ZBTB20: variants seen among roughly 807,000 people sequenced by gnomAD.
The protein encoded by ZBTB20 is zinc finger and BTB domain containing 20.
A neutral mutation model predicts 56.9 loss-of-function variants in ZBTB20; 9 were observed. That is an observed-to-expected ratio of 0.16 (90% CI 0.10 to 0.28). The LOEUF is 0.28. Ranked by LOEUF, ZBTB20 falls within the 10% of genes least tolerant of loss-of-function variation. ZBTB20 has a pLI of 1.00. For missense variants in ZBTB20, 655 were observed against 1,003.0 expected (o/e 0.65, Z 4.69); for synonymous variants, 417 against 420.7 (o/e 0.99, Z 0.11).
intron 11 of ZBTB20, among the ~76,000 whole-genome samples, chr3:114,348,493 T>C (rs2080375148): frequency 2.6e-5 from 4 of 152,236 alleles, no homozygotes; most frequent in Admixed American, 2.6e-4. Flanking sequence ...TTCACATTTA[T>C]CCCAAGTAAA....
intron 3 of ZBTB20, among the ~76,000 whole-genome samples, chr3:114,937,440 T>C (rs78013425): frequency 6.6e-6 from 1 of 151,694 alleles, no homozygotes. Flanking sequence ...TTTTTTTTTT[T>C]AGATGGAGTC....
intron 5 of ZBTB20, among the ~76,000 whole-genome samples, chr3:114,769,165 G>A (rs938814664): frequency 2.0e-5 from 3 of 152,092 alleles, no homozygotes; most frequent in African/African-American, 7.2e-5. Context: ...ACTAGTGTAC[G>A]TTTAATCATT....
intron 4 of ZBTB20, 27 bp downstream of exon 4, chr3:114,900,277 A>T (rs2075057031): frequency 6.6e-6 from 1 of 152,126 alleles, no homozygotes; most frequent in Admixed American, 6.6e-5. Flanking sequence ...ATAGATTTAC[A>T]TAGTTATAGG....
intron 3 of ZBTB20, among the ~76,000 whole-genome samples, chr3:114,901,493 C>T (rs879656028): frequency 1.3e-5 from 2 of 151,982 alleles, no homozygotes; most frequent in Non-Finnish European, 2.9e-5. Context: ...CCACTGAGTA[C>T]TATGTATCAA....
intron 6 of ZBTB20, among the ~76,000 whole-genome samples, chr3:114,690,249 A>G (rs1279175677): frequency 1.3e-5 from 2 of 152,088 alleles, no homozygotes; most frequent in Non-Finnish European, 2.9e-5. Flanking sequence ...CCCAAGGGTT[A>G]GGCACATCAA....
chr3:115,032,957 C>CAAAA (rs2080756270), intron 2 of ZBTB20, among the ~76,000 whole-genome samples: 3 of 54,466 alleles, frequency 5.5e-5, no homozygotes, highest in East Asian at 5.8e-4. Context: ...ACCTAAGGAA[C>CAAAA]TAAAAAAAAA....
intron 11 of ZBTB20, among the ~76,000 whole-genome samples, 176 bp downstream of exon 11, chr3:114,350,098 G>A (rs2080528851): frequency 6.6e-6 from 1 of 152,186 alleles, no homozygotes; most frequent in Non-Finnish European, 1.5e-5. Flanking sequence ...GTGGCAGGGT[G>A]CTTTGTTCTT....
chr3:114,467,556 G>A (rs985058719), intron 7 of ZBTB20, among the ~76,000 whole-genome samples: 1 of 152,164 alleles, frequency 6.6e-6, no homozygotes, highest in African/African-American at 2.4e-5. Flanking sequence ...AAGAGCTAGA[G>A]TCTTCATCAC....
chr3:114,511,531 T>C (rs956813215), intron 6 of ZBTB20, among the ~76,000 whole-genome samples: 6 of 152,142 alleles, frequency 3.9e-5, no homozygotes, highest in African/African-American at 1.4e-4. Flanking sequence ...TTAGAGATCA[T>C]ATATGTCTTA....
At chr3:115,091,494 T>G (rs1186941551) in intron 1 of ZBTB20, among the ~76,000 whole-genome samples, 1 of 151,960 alleles carries the variant, frequency 6.6e-6, no homozygotes. Flanking sequence ...CAAAGTCAAT[T>G]ACAATACACA....
At chr3:114,795,854 A>C (rs1474744015) in intron 5 of ZBTB20, among the ~76,000 whole-genome samples, 1 of 152,092 alleles carries the variant, frequency 6.6e-6, no homozygotes, top group Non-Finnish European at 1.5e-5. Context: ...TGAATCAATG[A>C]TTCTATTGTG....
At chr3:114,582,750 C>T (rs1449726190) in intron 6 of ZBTB20, among the ~76,000 whole-genome samples, 2 of 152,096 alleles carry the variant, frequency 1.3e-5, no homozygotes, top group East Asian at 1.9e-4. Context: ...TAGAATTAAT[C>T]GAGGTAAAGG....
chr3:114,489,153 A>G (rs2042457870), intron 7 of ZBTB20, among the ~76,000 whole-genome samples: 1 of 152,206 alleles, frequency 6.6e-6, no homozygotes, highest in Admixed American at 6.5e-5. Context: ...AAGCAAAACT[A>G]AATGTATACT....
chr3:115,078,120 CA>C (rs1463945485), intron 1 of ZBTB20, among the ~76,000 whole-genome samples: 2 of 152,180 alleles, frequency 1.3e-5, no homozygotes, highest in African/African-American at 4.8e-5. Flanking sequence ...AAAGTCCATG[CA>C]CATAACCTCA....
intron 3 of ZBTB20, among the ~76,000 whole-genome samples, chr3:114,929,723 T>C (rs532220433): frequency 6.6e-6 from 1 of 152,332 alleles, no homozygotes; most frequent in African/African-American, 2.4e-5. Context: ...AATCGTTTTA[T>C]TTAATTGTGA....
chr3:114,856,405 T>C (rs17683849), intron 4 of ZBTB20, among the ~76,000 whole-genome samples: 6,476 of 152,194 alleles, frequency 0.043, 164 homozygotes, highest in Middle Eastern at 0.11. Context: ...CAGCTGATGC[T>C]AACAAGGATA....
intron 11 of ZBTB20, among the ~76,000 whole-genome samples, chr3:114,347,084 T>G (rs1404236120): frequency 3.2e-5 from 2 of 63,106 alleles, no homozygotes; most frequent in Admixed American, 1.5e-4. Flanking sequence ...CAGGTTTTTT[T>G]TTTTTTTTTT....
Position 114,698,412 on chromosome 3 carries a change from T to G in ZBTB20, c.-342-4837A>C, listed in dbSNP as rs368218089. 2.6e-5 allele frequency among the ~76,000 whole-genome samples: 4 copies of G among 152,056 alleles called. No homozygotes were observed. In the East Asian group the frequency reaches 5.8e-4, roughly 22 times the overall value. ...TTATGTCTATGGAGAGCCTTTTACT[T>G]TTGTTTGGGTGGAATGCCTGTAGCA... is the stretch of plus-strand genomic sequence containing the variant. On this transcript the variant is annotated intron_variant, in intron 5 of 11. Transcript: ENST00000675478.
At position 114,331,864 on chromosome 3, in the gene ZBTB20, T is replaced by G. The variant is rs1398177688; in HGVS notation, c.*7141A>C. The stretch of plus-strand genomic sequence containing the variant: ...GGGCAATATGAATGTGAAACAGTTT[T>G]GTGCTGAGGGAAGCTCACACTGTGT... On this transcript the variant is annotated 3_prime_UTR_variant, in exon 12 of 12. Coordinates refer to ENST00000675478, the MANE Select transcript of ZBTB20 (RefSeq NM_001348800.3). 2 of 152,196 alleles carry G rather than the reference T, an allele frequency of 1.3e-5. No individual in the cohort carries two copies. Among genetic ancestry groups the G allele is most frequent in the Non-Finnish European group, 2.9e-5 (2 of 68,040 alleles). 9.4% of individuals were successfully genotyped at this position (152,196 alleles called of 1,614,324 possible).
Sources: gnomAD v4.1 joint callset for allele counts (sites outside exome capture counted in the v4.1 genomes callset) on GRCh38, gnomAD v4.1.1 for gene constraint, MANE v1.5 for transcripts, NCBI Gene and HGNC (gene_info 2026-07-23, HGNC 2026-07-21) for gene names.